IFT81: variants seen among roughly 807,000 people sequenced by gnomAD.
IFT81 encodes the protein intraflagellar transport protein 81 homolog.
A neutral mutation model predicts 102.6 loss-of-function variants in IFT81; 72 were observed. The observed-to-expected ratio is 0.70, with a 90% CI of 0.58 to 0.85. IFT81 has a LOEUF of 0.85. Ranked by LOEUF, IFT81 falls within the 40% of genes least tolerant of loss-of-function variation. The probability of loss-of-function intolerance (pLI) is 0.00; values close to 1 mark genes in which losing one functional copy is unlikely to be tolerated. For synonymous variants in IFT81, 237 were observed against 242.7 expected (o/e 0.98, Z 0.22); for missense variants, 723 against 787.3 (o/e 0.92, Z 0.98).
At chr12:110,173,190 A>G (rs1237220241) in intron 11 of IFT81, among the ~76,000 whole-genome samples, 4 of 141,592 alleles carry the variant, frequency 2.8e-5, no homozygotes, top group African/African-American at 1.1e-4. Flanking sequence ...CCGCCCAGCC[A>G]GCCGCCCCGT....
intron 11 of IFT81, chr12:110,168,991 CTCTT>C (rs1208917913): frequency 1.3e-5 from 2 of 151,906 alleles, no homozygotes; most frequent in Non-Finnish European, 2.9e-5. Context: ...GCTTGCTTGC[CTCTT>C]TCTTTGTCTT....
At chr12:110,128,835 A>G (rs1894000600) in intron 3 of IFT81, 115 bp from the exon 4 acceptor site, 6 of 742,278 alleles carry the variant, frequency 8.1e-6, no homozygotes, top group Admixed American at 3.0e-5. Context: ...ATCTTTTTTA[A>G]AAAGTTACAG....
intron 10 of IFT81, among the ~76,000 whole-genome samples, chr12:110,154,174 G>A (rs1895703016): frequency 6.6e-6 from 1 of 151,456 alleles, no homozygotes; most frequent in Admixed American, 6.6e-5. Context: ...TAGTAGAGAC[G>A]GGGTTTCACC....
chr12:110,208,024 G>A (rs17619763), intron 17 of IFT81, among the ~76,000 whole-genome samples: 12,169 of 152,110 alleles, frequency 0.08, 532 homozygotes, highest in Middle Eastern at 0.11. Flanking sequence ...CACAGAAGTT[G>A]AATGCTGTCC....
intron 13 of IFT81, among the ~76,000 whole-genome samples, chr12:110,191,730 A>G (rs959005688): frequency 2.6e-5 from 4 of 152,072 alleles, no homozygotes; most frequent in Non-Finnish European, 5.9e-5. Context: ...CCAGGCATTA[A>G]AATGTTGATA....
chr12:110,140,182 C>T (rs754479883), intron 8 of IFT81, among the ~76,000 whole-genome samples: 1 of 152,078 alleles, frequency 6.6e-6, no homozygotes, highest in Non-Finnish European at 1.5e-5. Context: ...TATACATGTG[C>T]CATGGTGGTT....
intron 11 of IFT81, among the ~76,000 whole-genome samples, chr12:110,163,872 C>T (rs1411578713): frequency 1.3e-5 from 2 of 151,908 alleles, no homozygotes; most frequent in Non-Finnish European, 1.5e-5. Flanking sequence ...CCTCGGCCTC[C>T]CAGAGTGCTG....
chr12:110,198,554 A>G (rs1237290623), intron 14 of IFT81, among the ~76,000 whole-genome samples: 2 of 151,792 alleles, frequency 1.3e-5, no homozygotes, highest in Admixed American at 6.6e-5. Context: ...TTTCTCTCCC[A>G]TTTTTTGCGG....
chr12:110,170,053 C>T (rs767106605), intron 11 of IFT81, among the ~76,000 whole-genome samples: 112 of 151,428 alleles, frequency 7.4e-4, no homozygotes, highest in Admixed American at 3.2e-3. Flanking sequence ...CCCGGGTTCA[C>T]GCCATTCTCC....
chr12:110,149,215 T>C (rs1172653807), intron 10 of IFT81, among the ~76,000 whole-genome samples: 14 of 152,228 alleles, frequency 9.2e-5, no homozygotes, highest in Admixed American at 9.2e-4. Context: ...CTGGTTTGTT[T>C]TAGCAGGAAA....
intron 14 of IFT81, among the ~76,000 whole-genome samples, chr12:110,194,765 T>C (rs1897933071): frequency 6.6e-6 from 1 of 152,234 alleles, no homozygotes; most frequent in Admixed American, 6.5e-5. Context: ...CAGCTCCATA[T>C]GTATTTTCCA....
At chr12:110,173,785 T>C (rs1896900496) in intron 11 of IFT81, among the ~76,000 whole-genome samples, 1 of 151,888 alleles carries the variant, frequency 6.6e-6, no homozygotes, top group Non-Finnish European at 1.5e-5. Context: ...TTAAGAGTCA[T>C]CACCACTCCC....
intron 8 of IFT81, 106 bp from the exon 9 acceptor site, chr12:110,143,276 G>A (rs1197552606): frequency 4.7e-6 from 3 of 634,606 alleles, no homozygotes; most frequent in Non-Finnish European, 4.5e-6. Context: ...TATACAGTTT[G>A]TTTTCAACAA....
intron 11 of IFT81, among the ~76,000 whole-genome samples, chr12:110,175,707 T>C (rs1392596706): frequency 2.6e-5 from 4 of 152,202 alleles, no homozygotes; most frequent in African/African-American, 9.7e-5. Flanking sequence ...CTCTAAATTA[T>C]ATATCTCCCT....
chr12:110,168,383 G>T (rs530617661), intron 11 of IFT81: 1 of 240,576 alleles, frequency 4.2e-6, no homozygotes, highest in Non-Finnish European at 6.7e-6. Context: ...GTAGATAGGG[G>T]CACTGTGCTT....
At chr12:110,144,674 C>T (rs1895097906) in intron 9 of IFT81, among the ~76,000 whole-genome samples, 1 of 150,794 alleles carries the variant, frequency 6.6e-6, no homozygotes, top group Admixed American at 6.7e-5. Flanking sequence ...CCATGCCTGG[C>T]CAATTTTTTT....
chr12:110,211,752 C>A (rs886314737), intron 18 of IFT81, among the ~76,000 whole-genome samples: 29 of 152,068 alleles, frequency 1.9e-4, no homozygotes, highest in Admixed American at 1.8e-3. Flanking sequence ...AGCAATCCAT[C>A]CACCTTGGCC....
At chr12:110,183,678 A>G (rs1897400412) in intron 12 of IFT81, among the ~76,000 whole-genome samples, 1 of 151,856 alleles carries the variant, frequency 6.6e-6, no homozygotes, top group African/African-American at 2.4e-5. Flanking sequence ...CTTAGTGCCT[A>G]CTCCCATAGG....
chr12:110,211,671 A>G (rs981492804), intron 18 of IFT81, among the ~76,000 whole-genome samples: 4 of 151,250 alleles, frequency 2.6e-5, no homozygotes, highest in African/African-American at 9.7e-5. Flanking sequence ...CGCCTGGCTA[A>G]TTTTTTTGTA....
Sources: allele counts gnomAD v4.1 joint callset (sites outside exome capture counted in the v4.1 genomes callset), GRCh38; gene constraint gnomAD v4.1.1; transcripts MANE v1.5; gene names NCBI Gene and HGNC (gene_info 2026-07-23, HGNC 2026-07-21).